The following KRIT1 variants were observed in gnomAD, a reference collection of about 807,000 sequenced individuals.
The protein encoded by KRIT1 is krev interaction trapped protein 1.
In KRIT1, 45 loss-of-function variants were observed where a neutral mutation model predicts 95.8. The observed-to-expected ratio is 0.47, with a 90% CI of 0.37 to 0.60. The LOEUF is 0.60. KRIT1 is among the 20% of genes least tolerant of loss of function. KRIT1 has a pLI of 0.00. For synonymous variants in KRIT1, 282 were observed against 278.8 expected (o/e 1.01, Z -0.11); for missense variants, 788 against 877.5 (o/e 0.90, Z 1.29).
intron 17 of KRIT1, among the ~76,000 whole-genome samples, chr7:92,203,573 T>A (rs947944778): frequency 1.3e-4 from 20 of 152,244 alleles, no homozygotes; most frequent in African/African-American, 4.8e-4. Flanking sequence ...CTGTTACTGC[T>A]AACTCATTTA....
rs752837239 is a variant in KRIT1, at chr7:92,242,046, A to C, written c.90T>G (p.Ala30=). The change falls in exon 4 of 19, where the codon GCT becomes GCG. Residue 30 remains alanine (A), a synonymous_variant. Transcript: ENST00000394505. ...TAAATGTTCTTACTTCATATGACTT[A>C]GCTCTGTATTCCCGAGAATTGAGAC... ...TASLNSREYR[A]KSYEILLHEV... is the part of the protein sequence containing the mutation. 1.3e-6 allele frequency: 2 copies of C among 1,500,034 alleles called. No individual in the cohort carries two copies. The highest frequency in any genetic ancestry group is 1.9e-6 in the Non-Finnish European group (2 of 1,076,608). The allele number at this position is 1,500,034 out of a possible 1,614,324, so 92.9% of individuals were successfully genotyped here.
intron 17 of KRIT1, among the ~76,000 whole-genome samples, chr7:92,212,282 TTC>T (rs1344326771): frequency 6.6e-6 from 1 of 152,204 alleles, no homozygotes; most frequent in African/African-American, 2.4e-5. Flanking sequence ...TATAATATTT[TTC>T]TTTTTTTCAT....
rs574581431 is a variant in KRIT1 at position 92,223,201 on chromosome 7, G to A, written c.1255-223C>T. On this transcript the variant is annotated intron_variant, in intron 12 of 18. Coordinates refer to ENST00000394505, the MANE Select transcript of KRIT1 (RefSeq NM_194454.3). ...TCCCAACACTTTGGGAGGCCGAGGC[G>A]GGCGGATCACGAAGTCAGGAGCTCG... Among the ~76,000 whole-genome samples the A allele has an allele frequency of 1.8e-3, 273 of 151,146 alleles. 2 individuals are homozygous for A. Among genetic ancestry groups the A allele is most frequent in the African/African-American group, 6.2e-3 (254 of 41,186 alleles).
intron 17 of KRIT1, among the ~76,000 whole-genome samples, chr7:92,201,965 A>G (rs752689104): frequency 2.6e-5 from 4 of 152,182 alleles, no homozygotes; most frequent in African/African-American, 4.8e-5. Flanking sequence ...ATTGACAAAC[A>G]TTTTTAAAGA....
rs1483866889 is a variant in KRIT1, at chr7:92,200,049, T to C, written c.*687A>G. The C allele has an allele frequency of 6.5e-6, 1 of 152,678 alleles. No homozygotes were observed. Among genetic ancestry groups the C allele is most frequent in the African/African-American group, 2.4e-5 (1 of 41,476 alleles). The allele number at this position is 152,678 out of a possible 1,614,324, so 9.5% of individuals were successfully genotyped here. ...AAATACATTTTCTTTATTCAAATCATGTTGACGTTCAGTATATTTTGAAAT... is the reference window on the plus strand; with the variant it reads ...AAATACATTTTCTTTATTCAAATCACGTTGACGTTCAGTATATTTTGAAAT... On this transcript the variant is annotated 3_prime_UTR_variant, in exon 19 of 19. Coordinates refer to ENST00000394505, the MANE Select transcript of KRIT1 (RefSeq NM_194454.3).
At chr7:92,224,981 C>G (rs1030295366) in intron 12 of KRIT1, among the ~76,000 whole-genome samples, 3 of 151,610 alleles carry the variant, frequency 2.0e-5, no homozygotes, top group African/African-American at 7.3e-5. Flanking sequence ...AACAGTGAAA[C>G]CCCATCTCTA....
At chr7:92,200,911 T>C (rs1789992506) in intron 18 of KRIT1, 107 bp from the exon 19 acceptor site, 1 of 777,716 alleles carries the variant, frequency 1.3e-6, no homozygotes, top group South Asian at 1.5e-5. Context: ...AACTTTCTTA[T>C]CAGGAGACAG....
intron 14 of KRIT1, among the ~76,000 whole-genome samples, chr7:92,216,814 A>G (rs886402646): frequency 3.9e-5 from 6 of 152,134 alleles, no homozygotes; most frequent in African/African-American, 1.4e-4. Context: ...TCTAATAAAA[A>G]CTGACATCGT....
chr7:92,240,910 G>C (rs1258086495), intron 5 of KRIT1, 83 bp downstream of exon 5: 2 of 1,078,064 alleles, frequency 1.9e-6, no homozygotes, highest in African/African-American at 3.1e-5. Context: ...AAAAGAAATT[G>C]GTTTAATATG....
At chr7:92,236,678 C>G in intron 6 of KRIT1, 136 bp from the exon 7 acceptor site, 1 of 657,278 alleles carries the variant, frequency 1.5e-6, no homozygotes, top group Non-Finnish European at 2.6e-6. Flanking sequence ...ATTAGAAGGC[C>G]TGGATTCAAG....
At chr7:92,237,945 T>C (rs981268072) in intron 5 of KRIT1, among the ~76,000 whole-genome samples, 186 bp from the exon 6 acceptor site, 2 of 152,148 alleles carry the variant, frequency 1.3e-5, no homozygotes, top group Admixed American at 6.5e-5. Context: ...GGACAATCCT[T>C]GTAGATTTAG....
chr7:92,241,923 A>G, intron 4 of KRIT1, 111 bp downstream of exon 4: 1 of 694,890 alleles, frequency 1.4e-6, no homozygotes, highest in Non-Finnish European at 2.5e-6. Flanking sequence ...AGAGACCTAA[A>G]ATAATTGGCT....
At position 92,213,278 on chromosome 7, in the gene KRIT1, C is replaced by A. The variant is rs1793279371; in HGVS notation, c.1942G>T (p.Ala648Ser). 6.2e-7 allele frequency: 1 copy of A among 1,613,606 alleles called. No homozygotes were observed. Among genetic ancestry groups the A allele is most frequent in the Non-Finnish European group, 8.5e-7 (1 of 1,179,624 alleles). Reference protein sequence around the residue: ...AFFTGQIFTKASPSNHKVIPV... With the variant: ...AFFTGQIFTKSSPSNHKVIPV... ...ATGACTTTATGATTGCTGGGGCTTG[C>A]CTTTGTAAATATCTGTCCTGTGAAA... Residue 648 changes from alanine (A) to serine (S), a missense_variant, in exon 17 of 19, where the codon GCA becomes TCA. By Grantham distance (99) the Ala-to-Ser change is moderately conservative. Coordinates refer to ENST00000394505, the MANE Select transcript of KRIT1 (RefSeq NM_194454.3).
chr7:92,211,421 A>C (rs1792799080), intron 17 of KRIT1, among the ~76,000 whole-genome samples: 1 of 152,246 alleles, frequency 6.6e-6, no homozygotes, highest in African/African-American at 2.4e-5. Context: ...AGCCAGGCAC[A>C]GAAAGTCAAA....
chr7:92,228,409 T>C (rs953303861), intron 10 of KRIT1, among the ~76,000 whole-genome samples: 6 of 152,118 alleles, frequency 3.9e-5, no homozygotes, highest in African/African-American at 1.4e-4. Flanking sequence ...GTTTTAGATA[T>C]GGAACATCTG....
chr7:92,228,587 CTTTTTT>C, intron 10 of KRIT1, among the ~76,000 whole-genome samples: 1 of 152,184 alleles, frequency 6.6e-6, no homozygotes, highest in African/African-American at 2.4e-5. Context: ...TTTTGCTATT[CTTTTTT>C]TAACTTTTAT....
chr7:92,220,935 G>A (rs1197166631), intron 14 of KRIT1, among the ~76,000 whole-genome samples: 2 of 151,442 alleles, frequency 1.3e-5, no homozygotes, highest in South Asian at 2.1e-4. Flanking sequence ...TGATCCACCC[G>A]CCTTGGCCTC....
At chr7:92,234,407 A>G in intron 10 of KRIT1, 42 bp downstream of exon 10, 1 of 1,421,688 alleles carries the variant, frequency 7.0e-7, no homozygotes, top group Non-Finnish European at 9.9e-7. Flanking sequence ...ATAATAAAAA[A>G]TGTATTCTTT....
chr7:92,240,866 T>C, intron 5 of KRIT1, 127 bp downstream of exon 5: 2 of 804,940 alleles, frequency 2.5e-6, no homozygotes, highest in Non-Finnish European at 4.1e-6. Flanking sequence ...ACACTTGAGT[T>C]TTTTTGCAAG....
Sources: gnomAD v4.1 joint callset for allele counts (sites outside exome capture counted in the v4.1 genomes callset) on GRCh38, gnomAD v4.1.1 for gene constraint, MANE v1.5 for transcripts, NCBI Gene and HGNC (gene_info 2026-07-23, HGNC 2026-07-21) for gene names.